DEPDC5: variants seen among roughly 807,000 people sequenced by gnomAD.
DEPDC5 encodes DEP domain containing 5, GATOR1 subcomplex subunit, also known as GATOR1 complex protein DEPDC5.
In DEPDC5, 73 loss-of-function variants were observed where a neutral mutation model predicts 217.3. The observed-to-expected ratio is 0.34, with a 90% CI of 0.28 to 0.41. The LOEUF (loss-of-function observed/expected upper bound fraction) is 0.41, where lower values mean the gene tolerates loss of function less well. DEPDC5 is among the 10% of genes least tolerant of loss of function. The probability of loss-of-function intolerance (pLI) is 1.00; values close to 1 mark genes in which losing one functional copy is unlikely to be tolerated. For synonymous variants in DEPDC5, 733 were observed against 756.7 expected (o/e 0.97, Z 0.51); for missense variants, 1,675 against 2,070.1 (o/e 0.81, Z 3.70).
chr22:31,845,208 A>C lies in DEPDC5; in HGVS notation c.2992A>C (p.Arg998=). ...RFVEGLNRIR[R]RHRSDRMMRK... The stretch of plus-strand genomic sequence containing the variant: ...TGTGGAGGGCTTGAATCGCATTCGC[A>C]GGCGGCATCGCTCGGATCGCATGAT... The change falls in exon 30 of 43, where the codon AGG becomes CGG. Residue 998 remains arginine (R), a synonymous_variant. Coordinates refer to ENST00000651528, the MANE Select transcript of DEPDC5 (RefSeq NM_001242896.3). 6.2e-7 allele frequency: 1 copy of C among 1,614,142 alleles called. No homozygotes were observed. Among genetic ancestry groups the C allele is most frequent in the Non-Finnish European group, 8.5e-7 (1 of 1,180,004 alleles).
intron 21 of DEPDC5, 172 bp downstream of exon 21, chr22:31,815,384 T>TA: frequency 5.8e-6 from 4 of 695,384 alleles, no homozygotes; most frequent in African/African-American, 2.0e-5. Context: ...ATATTATACT[T>TA]CTTTTTTTTT....
Position 31,821,593 on chromosome 22 carries a change from C to T in DEPDC5, c.1962C>T (p.Ser654=), listed in dbSNP as rs564873376. ...GCGGGCAGAGGGATCCAACTCACTC[C>T]TCTGCAGAGCTGCTGGAGTTAGCAT... ...QGSGQRDPTH[S]SAELLELAYH... is the part of the protein sequence containing the mutation. The change falls in exon 23 of 43, where the codon TCC becomes TCT. Residue 654 remains serine, a synonymous_variant. Transcript: ENST00000651528. The T allele has an allele frequency of 3.7e-6, 6 of 1,614,072 alleles. No homozygotes were observed. The highest frequency in any genetic ancestry group is 5.1e-6 in the Non-Finnish European group (6 of 1,180,004).
chr22:31,833,860 G>T, intron 24 of DEPDC5, 55 bp from the exon 25 acceptor site: 1 of 1,428,930 alleles, frequency 7.0e-7, no homozygotes, highest in South Asian at 1.6e-5. Flanking sequence ...TAACTGGTCA[G>T]AACTCTTTTG....
At chr22:31,860,463 T>A (rs1330186934) in intron 32 of DEPDC5, among the ~76,000 whole-genome samples, 1 of 152,174 alleles carries the variant, frequency 6.6e-6, no homozygotes, top group East Asian at 1.9e-4. Flanking sequence ...ATTCCTGAAT[T>A]TCTATGATAA....
At chr22:31,877,305 C>T (rs1020762646) in intron 37 of DEPDC5, among the ~76,000 whole-genome samples, 2 of 149,126 alleles carry the variant, frequency 1.3e-5, no homozygotes, top group East Asian at 2.0e-4. Flanking sequence ...GGTGTGGCGG[C>T]AGGCACCTGT....
intron 15 of DEPDC5, 115 bp from the exon 16 acceptor site, chr22:31,804,047 A>G (rs2087187691): frequency 1.1e-6 from 1 of 937,886 alleles, no homozygotes; most frequent in Admixed American, 2.1e-5. Flanking sequence ...GTTATAAATC[A>G]TACAATGGTA....
At chr22:31,771,125 G>A (rs1027151553) in intron 7 of DEPDC5, among the ~76,000 whole-genome samples, 3 of 152,102 alleles carry the variant, frequency 2.0e-5, no homozygotes, top group African/African-American at 4.8e-5. Flanking sequence ...ATTGAGGATT[G>A]TTGTAAGATG....
intron 38 of DEPDC5, among the ~76,000 whole-genome samples, chr22:31,889,341 T>C (rs1426935130): frequency 6.6e-6 from 1 of 152,190 alleles, no homozygotes; most frequent in African/African-American, 2.4e-5. Context: ...ACAGGGCCAG[T>C]AGTATCTTCA....
At chr22:31,878,454 A>G (rs1569182154) in intron 37 of DEPDC5, among the ~76,000 whole-genome samples, 1 of 152,022 alleles carries the variant, frequency 6.6e-6, no homozygotes, top group Non-Finnish European at 1.5e-5. Context: ...CTATAATCCC[A>G]GCGCCTTGGA....
chr22:31,841,629 A>C (rs910077037), intron 27 of DEPDC5, among the ~76,000 whole-genome samples: 1 of 152,218 alleles, frequency 6.6e-6, no homozygotes, highest in Non-Finnish European at 1.5e-5. Flanking sequence ...GCTCGCAATC[A>C]GTCTGATTGG....
chr22:31,814,363 C>A (rs9619235), intron 20 of DEPDC5: 1 of 152,808 alleles, frequency 6.5e-6, no homozygotes, highest in Non-Finnish European at 1.5e-5. Flanking sequence ...TAAATGCCCT[C>A]TAATAGCCAG....
chr22:31,850,048 G>C (rs2091946205), intron 31 of DEPDC5, among the ~76,000 whole-genome samples: 3 of 152,194 alleles, frequency 2.0e-5, no homozygotes, highest in Non-Finnish European at 4.4e-5. Context: ...GAACTCAGGA[G>C]GCGGAGGTTG....
At position 31,900,616 on chromosome 22, in the gene DEPDC5, G is replaced by A. The variant is rs142468149; in HGVS notation, c.4376-1126G>A. Among the ~76,000 whole-genome samples, 1,122 of 152,166 alleles carry A rather than the reference G, an allele frequency of 7.4e-3. 17 individuals are homozygous for A. Among genetic ancestry groups the A allele is most frequent in the African/African-American group, 0.025 (1,021 of 41,542 alleles). On this transcript the variant is annotated intron_variant, in intron 40 of 42. Coordinates refer to ENST00000651528, the MANE Select transcript of DEPDC5 (RefSeq NM_001242896.3). ...TAGCTGGGCGCTGTGGCACATGCCT[G>A]TAACCCCAGCTACTCGGGAGGCTGA... is the stretch of plus-strand genomic sequence containing the variant.
chr22:31,781,593 T>G (rs2148374780), intron 8 of DEPDC5, among the ~76,000 whole-genome samples: 1 of 152,172 alleles, frequency 6.6e-6, no homozygotes, highest in Middle Eastern at 3.4e-3. Flanking sequence ...CCACCACACC[T>G]GGCTTTTTAT....
intron 14 of DEPDC5, among the ~76,000 whole-genome samples, chr22:31,799,685 A>T (rs535718942): frequency 1.4e-5 from 2 of 147,510 alleles, no homozygotes; most frequent in East Asian, 4.1e-4. Flanking sequence ...TGTTTTTAGT[A>T]GAGATGAGGT....
chr22:31,871,350 G>A (rs1375876001), intron 34 of DEPDC5, among the ~76,000 whole-genome samples: 1 of 152,190 alleles, frequency 6.6e-6, no homozygotes, highest in Non-Finnish European at 1.5e-5. Flanking sequence ...TCATCTAAGA[G>A]ACTTAACTTT....
chr22:31,863,368 T>C (rs1464476572), intron 33 of DEPDC5, among the ~76,000 whole-genome samples: 1 of 152,198 alleles, frequency 6.6e-6, no homozygotes. Flanking sequence ...GGTTTCGCCA[T>C]GTTGGCCAGG....
At chr22:31,803,235 G>A (rs1002673461) in intron 15 of DEPDC5, among the ~76,000 whole-genome samples, 3 of 151,532 alleles carry the variant, frequency 2.0e-5, no homozygotes, top group Non-Finnish European at 4.4e-5. Context: ...TTTTTAGACG[G>A]AGTCTCGCTC....
chr22:31,870,140 G>GT (rs1350967228), intron 33 of DEPDC5, among the ~76,000 whole-genome samples: 1 of 152,214 alleles, frequency 6.6e-6, no homozygotes, highest in African/African-American at 2.4e-5. Flanking sequence ...GGCAGAAGAT[G>GT]TACATTGTGA....
Sources: gnomAD v4.1 joint callset for allele counts (sites outside exome capture counted in the v4.1 genomes callset) on GRCh38, gnomAD v4.1.1 for gene constraint, MANE v1.5 for transcripts, NCBI Gene and HGNC (gene_info 2026-07-23, HGNC 2026-07-21) for gene names.